Variants in CHSY3 observed in about 807,000 individuals in gnomAD.
The protein encoded by CHSY3 is chondroitin sulfate synthase 3.
CHSY3 carries 35 observed loss-of-function variants against 67.2 expected under a neutral mutation model. That is an observed-to-expected ratio of 0.52 (90% CI 0.40 to 0.69). CHSY3 has a LOEUF of 0.69. CHSY3 is among the 30% of genes least tolerant of loss of function. The pLI is 0.00. For synonymous variants in CHSY3, 474 were observed against 434.7 expected, an observed-to-expected ratio of 1.09 and a Z score of -1.12; for missense variants, 1,069 against 1,138.5, an observed-to-expected ratio of 0.94 and a Z score of 0.88.
intron 2 of CHSY3, among the ~76,000 whole-genome samples, chr5:130,004,857 A>G (rs1285179351): frequency 6.6e-6 from 1 of 152,130 alleles, no homozygotes; most frequent in Non-Finnish European, 1.5e-5. Context: ...TTCTCACCAA[A>G]TATGATTATA....
chr5:130,129,155 T>G (rs980023290), intron 2 of CHSY3, among the ~76,000 whole-genome samples: 7 of 152,176 alleles, frequency 4.6e-5, no homozygotes, highest in Non-Finnish European at 1.0e-4. Flanking sequence ...TTTGTTGTAT[T>G]ATTCTCCATT....
At chr5:129,933,634 T>A (rs1177786330) in intron 2 of CHSY3, among the ~76,000 whole-genome samples, 1 of 152,102 alleles carries the variant, frequency 6.6e-6, no homozygotes, top group East Asian at 1.9e-4. Context: ...TCATTGACAG[T>A]TTTTTAATTC....
intron 2 of CHSY3, among the ~76,000 whole-genome samples, chr5:130,134,476 TATCTTATCATG>T (rs1206714272): frequency 6.6e-6 from 1 of 152,172 alleles, no homozygotes; most frequent in African/African-American, 2.4e-5. Context: ...CCAATTGTAA[TATCTTATCATG>T]ATCTTATATA....
chr5:130,020,459 ATATTTTT>A (rs1315795824), intron 2 of CHSY3, among the ~76,000 whole-genome samples: 22 of 49,708 alleles, frequency 4.4e-4, no homozygotes, highest in African/African-American at 2.1e-3. Flanking sequence ...ATATATATAT[ATATTTTT>A]TTTTTTTTTT....
Position 129,905,302 on chromosome 5 carries a change from G to C in CHSY3, c.473G>C (p.Gly158Ala), listed in dbSNP as rs944940311. 6 of 1,489,230 alleles carry C rather than the reference G, an allele frequency of 4.0e-6. No individual in the cohort carries two copies. In the African/African-American group the frequency reaches 5.6e-5, roughly 14 times the overall value. 92.3% of individuals were successfully genotyped at this position (1,489,230 alleles called of 1,614,324 possible). ...GRPGSSHNGSGDGGAAAPSAR... is the reference protein window; with the variant it reads ...GRPGSSHNGSADGGAAAPSAR... ...CCGGGGAGTAGCCACAACGGCAGCG[G>C]GGACGGGGGCGCTGCCGCCCCGAGC... Residue 158 changes from glycine (G) to alanine (A), a missense_variant, in exon 1 of 3, where the codon GGG (glycine) becomes GCG (alanine). This residue lies in a region of CHSY3 where 309 missense variants were observed against 262.5 expected (regional missense o/e 1.18). Coordinates refer to ENST00000305031, the MANE Select transcript of CHSY3 (RefSeq NM_175856.5).
intron 2 of CHSY3, among the ~76,000 whole-genome samples, chr5:130,042,288 C>G (rs1201503737): frequency 6.6e-6 from 1 of 152,008 alleles, no homozygotes; most frequent in Non-Finnish European, 1.5e-5. Flanking sequence ...TACCTTCTAG[C>G]TTTTAATTTG....
intron 2 of CHSY3, among the ~76,000 whole-genome samples, chr5:130,088,965 AC>A (rs1270915175): frequency 6.6e-6 from 1 of 152,068 alleles, no homozygotes; most frequent in Non-Finnish European, 1.5e-5. Context: ...AAGACTTGGA[AC>A]CAAGCCAAAT....
At chr5:129,961,095 T>A (rs1762316173) in intron 2 of CHSY3, among the ~76,000 whole-genome samples, 1 of 152,066 alleles carries the variant, frequency 6.6e-6, no homozygotes, top group Non-Finnish European at 1.5e-5. Flanking sequence ...ACATGAGTTT[T>A]CAGAAAACGG....
intron 2 of CHSY3, among the ~76,000 whole-genome samples, chr5:130,179,863 A>T (rs1032382188): frequency 1.4e-4 from 22 of 152,126 alleles, no homozygotes; most frequent in African/African-American, 4.1e-4. Context: ...AGTGTTTGCT[A>T]TAATTCTTGG....
chr5:129,911,549 T>G (rs1760548827), intron 2 of CHSY3, among the ~76,000 whole-genome samples: 1 of 152,236 alleles, frequency 6.6e-6, no homozygotes, highest in Admixed American at 6.5e-5. Flanking sequence ...ATGTTAGTTT[T>G]TATTGTTCTA....
intron 2 of CHSY3, among the ~76,000 whole-genome samples, chr5:129,993,858 C>T (rs1206143538): frequency 2.0e-5 from 3 of 151,604 alleles, no homozygotes; most frequent in African/African-American, 7.2e-5. Flanking sequence ...CTGGTTGTTC[C>T]TTTCCATGTT....
Position 130,185,888 on chromosome 5 carries a change from T to TTG in CHSY3, c.*99_*100dup, listed in dbSNP as rs1770405209. ...TATTATTGTTATTTTATTATTATTA[T>TTG]TGTTATAATTTTATTTTGTTGTCCT... On this transcript the variant is annotated 3_prime_UTR_variant, in exon 3 of 3. Coordinates refer to ENST00000305031, the MANE Select transcript of CHSY3 (RefSeq NM_175856.5). 2 of 639,200 alleles carry TTG rather than the reference T, an allele frequency of 3.1e-6. No individual in the cohort carries two copies. Among genetic ancestry groups the TTG allele is most frequent in the Admixed American group, 8.2e-5 (2 of 24,318 alleles). 39.6% of individuals were successfully genotyped at this position (639,200 alleles called of 1,614,324 possible).
chr5:130,025,906 G>A (rs554764849), intron 2 of CHSY3, among the ~76,000 whole-genome samples: 50 of 152,232 alleles, frequency 3.3e-4, no homozygotes, highest in South Asian at 3.1e-3. Flanking sequence ...TGGTTTGTGC[G>A]TAATTCGTTT....
chr5:130,182,697 C>G (rs1770284640), intron 2 of CHSY3, among the ~76,000 whole-genome samples: 3 of 151,864 alleles, frequency 2.0e-5, no homozygotes, highest in African/African-American at 7.3e-5. Context: ...TACTTTTTTC[C>G]CTTATATGAA....
intron 2 of CHSY3, among the ~76,000 whole-genome samples, chr5:129,939,360 A>G (rs1739820833): frequency 1.3e-5 from 2 of 152,162 alleles, no homozygotes; most frequent in Admixed American, 6.5e-5. Flanking sequence ...TACTTTAATC[A>G]TTCTGTGGAG....
At chr5:129,961,431 C>T (rs995445454) in intron 2 of CHSY3, among the ~76,000 whole-genome samples, 1 of 151,996 alleles carries the variant, frequency 6.6e-6, no homozygotes, top group African/African-American at 2.4e-5. Flanking sequence ...ATAGTTTAGA[C>T]CACTTACTGC....
chr5:130,178,694 A>G (rs1770154970), intron 2 of CHSY3, among the ~76,000 whole-genome samples: 1 of 152,172 alleles, frequency 6.6e-6, no homozygotes, highest in East Asian at 1.9e-4. Context: ...CTCAAGATTG[A>G]GCATAAGGGA....
chr5:130,155,308 T>C (rs17619748), intron 2 of CHSY3, among the ~76,000 whole-genome samples: 1,796 of 152,284 alleles, frequency 0.012, 17 homozygotes, highest in Non-Finnish European at 0.021. Context: ...GCCCTTTGAT[T>C]TCAGTTGAAG....
At chr5:130,124,514 G>A (rs1768195343) in intron 2 of CHSY3, among the ~76,000 whole-genome samples, 1 of 149,306 alleles carries the variant, frequency 6.7e-6, no homozygotes, top group African/African-American at 2.5e-5. Context: ...GGAGTGCAAT[G>A]GCGTGATCTC....
Sources: gnomAD v4.1 joint callset for allele counts (sites outside exome capture counted in the v4.1 genomes callset) on GRCh38, gnomAD v4.1.1 for gene constraint, gnomAD v4.1.1 regional missense constraint, MANE v1.5 for transcripts, NCBI Gene and HGNC (gene_info 2026-07-23, HGNC 2026-07-21) for gene names.